Variants in SPG21 observed in about 807,000 individuals in gnomAD.
SPG21 encodes SPG21 abhydrolase domain containing, maspardin.
In SPG21, 26 loss-of-function variants were observed where a neutral mutation model predicts 38.9. The ratio of observed to expected loss-of-function variants is 0.67; its 90% CI spans 0.49 to 0.93. The LOEUF is 0.93. Among genes scored for constraint, SPG21 ranks in the 40% least tolerant of loss-of-function variants. The pLI is 0.00. For synonymous variants in SPG21, 136 were observed against 128.9 expected, an observed-to-expected ratio of 1.05 and a Z score of -0.37; for missense variants, 333 against 376.5, an observed-to-expected ratio of 0.88 and a Z score of 0.96.
chr15:64,979,980 G>A (rs751723534), intron 3 of SPG21, among the ~76,000 whole-genome samples: 4 of 151,940 alleles, frequency 2.6e-5, no homozygotes, highest in Non-Finnish European at 5.9e-5. Context: ...TAACAATCAG[G>A]AACAAAAAAA....
intron 7 of SPG21, among the ~76,000 whole-genome samples, chr15:64,967,675 G>A (rs148040366): frequency 0.017 from 2,539 of 152,178 alleles, 30 homozygotes; most frequent in Admixed American, 0.024. Flanking sequence ...GTTTCACCAC[G>A]TTGGCCAGGA....
chr15:64,980,474 C>T (rs943883822), intron 3 of SPG21, among the ~76,000 whole-genome samples: 2 of 152,086 alleles, frequency 1.3e-5, no homozygotes, highest in African/African-American at 4.8e-5. Context: ...CGCAGTGGCT[C>T]GTGGCTGTAA....
Position 64,971,199 on chromosome 15 carries a change from G to A in SPG21, c.453-977C>T, listed in dbSNP as rs575969852. Among the ~76,000 whole-genome samples, 276 of 152,046 alleles carry A rather than the reference G, an allele frequency of 1.8e-3. 2 individuals carry two copies. The highest frequency in any genetic ancestry group is 4.2e-3 in the South Asian group (20 of 4,812). On this transcript the variant is annotated intron_variant, in intron 5 of 8. Transcript: ENST00000204566. ...TGGCCTCCCGAGTAGCTGGGACTAC[G>A]GGCTCGTACCACCAGGCCTGACTAA...
In SPG21 at chr15:64,974,695, T is replaced by C. The variant is rs754509113; in HGVS notation, c.359A>G (p.Glu120Gly). 4 of 1,614,038 alleles carry C rather than the reference T, an allele frequency of 2.5e-6. No homozygotes were observed. The highest frequency in any genetic ancestry group is 3.4e-6 in the Non-Finnish European group (4 of 1,180,038). The change falls in exon 5 of 9, where the codon GAA (glutamate) becomes GGA (glycine). Residue 120 changes from glutamate (E) to glycine (G), a missense_variant. Physicochemically the swap from Glu to Gly is moderately conservative, Grantham distance 98. Coordinates refer to ENST00000204566, the MANE Select transcript of SPG21 (RefSeq NM_016630.7). ...LGGFLAQKFA[E>G]YTHKSPRVHS... The stretch of plus-strand genomic sequence containing the variant: ...GACTCTAGGAGATTTGTGAGTGTAT[T>C]CAGCAAATTTCTGGGCCAAAAAGCC...
At chr15:64,979,631 T>A (rs2085846898) in intron 3 of SPG21, among the ~76,000 whole-genome samples, 2 of 152,114 alleles carry the variant, frequency 1.3e-5, no homozygotes, top group Non-Finnish European at 2.9e-5. Flanking sequence ...CCTCAGTTGG[T>A]GGTAACCTCA....
At chr15:64,988,713 T>C (rs2086050257) in intron 1 of SPG21, 1 of 152,372 alleles carries the variant, frequency 6.6e-6, no homozygotes, top group African/African-American at 2.4e-5. Context: ...CCAGCCGCGA[T>C]GGCTCACGCC....
chr15:64,984,847 T>C (rs2085958009), intron 1 of SPG21, among the ~76,000 whole-genome samples: 2 of 151,482 alleles, frequency 1.3e-5, no homozygotes, highest in Admixed American at 1.3e-4. Flanking sequence ...CCCTCCAAGT[T>C]CAAGCGATTC....
intron 1 of SPG21, among the ~76,000 whole-genome samples, chr15:64,988,361 T>C (rs772560034): frequency 4.6e-5 from 7 of 152,228 alleles, no homozygotes; most frequent in Non-Finnish European, 7.3e-5. Context: ...CCAGCATAAT[T>C]AGTCAGAGGT....
chr15:64,984,303 C>T (rs1364419241), intron 1 of SPG21, among the ~76,000 whole-genome samples: 1 of 152,162 alleles, frequency 6.6e-6, no homozygotes, highest in Non-Finnish European at 1.5e-5. Flanking sequence ...AATAAAGATG[C>T]TCCTGTCTGA....
chr15:64,972,583 A>G (rs760792199), intron 5 of SPG21, among the ~76,000 whole-genome samples: 4 of 152,256 alleles, frequency 2.6e-5, no homozygotes, highest in Non-Finnish European at 5.9e-5. Flanking sequence ...CTGTAATCCC[A>G]GCACTTTGGG....
chr15:64,967,390 C>T (rs1334800544), intron 7 of SPG21, among the ~76,000 whole-genome samples: 1 of 152,048 alleles, frequency 6.6e-6, no homozygotes, highest in East Asian at 1.9e-4. Context: ...TGGCTCACCC[C>T]AGGCTCAGGT....
At chr15:64,970,299 G>GTATT (rs2085636546) in intron 5 of SPG21, 77 bp from the exon 6 acceptor site, 1 of 1,239,600 alleles carries the variant, frequency 8.1e-7, no homozygotes, top group Non-Finnish European at 1.2e-6. Context: ...TTAAAGCTTT[G>GTATT]TATTAGCTTG....
chr15:64,988,252 C>A (rs1028141986), intron 1 of SPG21, among the ~76,000 whole-genome samples: 1 of 151,944 alleles, frequency 6.6e-6, no homozygotes, highest in African/African-American at 2.4e-5. Flanking sequence ...AACAAAAAAA[C>A]CTGCCAGTTG....
At chr15:64,985,470 C>A (rs755832537) in intron 1 of SPG21, among the ~76,000 whole-genome samples, 29 of 152,260 alleles carry the variant, frequency 1.9e-4, no homozygotes, top group Non-Finnish European at 1.2e-4. Context: ...AAGGCTGCCC[C>A]TCTTTGCTCA....
chr15:64,963,725 C>T lies in SPG21; in HGVS notation c.822G>A (p.Leu274=). Residue 274 remains leucine, a synonymous_variant, in exon 9 of 9, where the codon CTG becomes CTA. Transcript: ENST00000204566. The part of the protein sequence containing the change: ...EVNLYVQIHL[L]QFHGTKYAAI... ...CCGCGTATTTGGTTCCATGGAATTGCAGCAAATGTATCTGTTGAAATGCAG... is the reference window on the plus strand; with the variant it reads ...CCGCGTATTTGGTTCCATGGAATTGTAGCAAATGTATCTGTTGAAATGCAG... The T allele has an allele frequency of 6.2e-7, 1 of 1,613,706 alleles. No individual in the cohort carries two copies. The highest frequency in any genetic ancestry group is 8.5e-7 in the Non-Finnish European group (1 of 1,179,698).
In SPG21 at chr15:64,976,491, T is replaced by C; in HGVS notation, c.290A>G (p.His97Arg). The C allele has an allele frequency of 6.2e-7, 1 of 1,611,814 alleles. No homozygotes were observed. The highest frequency in any genetic ancestry group is 8.5e-7 in the Non-Finnish European group (1 of 1,178,002). ...GGTACTCACTTTATCCAATTGTAAA[T>C]GGTCTAAAAGTTTTCTGAATCCATC... ...FCDGFRKLLD[H>R]LQLDKVHLFG... The change falls in exon 4 of 9, where the codon CAT (histidine) becomes CGT (arginine). Residue 97 changes from histidine (H) to arginine (R), a missense_variant. Physicochemically the swap from His to Arg is conservative, Grantham distance 29. Transcript: ENST00000204566.
chr15:64,971,698 C>T lies in SPG21; in HGVS notation c.453-1476G>A, dbSNP rs372386114. 4.0e-5 allele frequency among the ~76,000 whole-genome samples: 6 copies of T among 150,212 alleles called. No individual in the cohort carries two copies. The South Asian group carries it at 6.4e-4, about 16-fold the overall frequency. On this transcript the variant is annotated intron_variant, in intron 5 of 8. Transcript: ENST00000204566. ...TAAAAATACAAAAATTAGCCAGGGG[C>T]GGTGGCCAGCGCCTGTAATCCCAGC...
chr15:64,972,225 C>A (rs1458193142), intron 5 of SPG21, among the ~76,000 whole-genome samples: 5 of 152,150 alleles, frequency 3.3e-5, no homozygotes. Flanking sequence ...CCATCACTTT[C>A]TTATCTTTTG....
chr15:64,981,259 C>T, intron 2 of SPG21: 3 of 473,680 alleles, frequency 6.3e-6, no homozygotes, highest in Non-Finnish European at 7.5e-6. Flanking sequence ...TTCCAAAGGG[C>T]TGCTGCTTCT....
Sources: gnomAD v4.1 joint callset for allele counts (sites outside exome capture counted in the v4.1 genomes callset) on GRCh38, gnomAD v4.1.1 for gene constraint, MANE v1.5 for transcripts, NCBI Gene and HGNC (gene_info 2026-07-23, HGNC 2026-07-21) for gene names.